The following SLC35D4 variants were observed in gnomAD, a reference collection of about 807,000 sequenced individuals.
SLC35D4 encodes the protein solute carrier family 35 member D4, also known as UDP-N-acetylglucosamine transporter SLC35D4.
chr18:23,339,176 C>A, the SLC35D4 span, among the ~76,000 whole-genome samples: 1 of 152,208 alleles, frequency 6.6e-6, no homozygotes, highest in African/African-American at 2.4e-5. Context: ...CAGGCATGAG[C>A]CACCACACCT....
At chr18:23,362,526 G>C in the SLC35D4 span, among the ~76,000 whole-genome samples, 1 of 152,206 alleles carries the variant, frequency 6.6e-6, no homozygotes, top group African/African-American at 2.4e-5. Context: ...TTGAACCTGG[G>C]AGGCGGAGGT....
the SLC35D4 span, among the ~76,000 whole-genome samples, chr18:23,320,508 GTTA>G: frequency 6.6e-6 from 1 of 152,044 alleles, no homozygotes; most frequent in Non-Finnish European, 1.5e-5. Context: ...TTGATTATCA[GTTA>G]TGCTTTCCTG....
chr18:23,366,519 C>A, the SLC35D4 span, among the ~76,000 whole-genome samples: 1 of 152,224 alleles, frequency 6.6e-6, no homozygotes, highest in Admixed American at 6.5e-5. Context: ...AGCCCAGTGT[C>A]CTGGCTTAAA....
chr18:23,328,365 A>G, the SLC35D4 span, among the ~76,000 whole-genome samples: 4 of 152,246 alleles, frequency 2.6e-5, no homozygotes, highest in Non-Finnish European at 5.9e-5. Context: ...GTCTCAGGAT[A>G]CAAAATCAAT....
chr18:23,391,627 A>G, the SLC35D4 span, among the ~76,000 whole-genome samples: 10 of 152,152 alleles, frequency 6.6e-5, no homozygotes, highest in African/African-American at 2.4e-4. Flanking sequence ...AGCTAGGACT[A>G]GAGGCACATG....
At chr18:23,282,831 G>T in the SLC35D4 span, among the ~76,000 whole-genome samples, 2 of 152,072 alleles carry the variant, frequency 1.3e-5, no homozygotes, top group Non-Finnish European at 2.9e-5. Context: ...GGGCTCGCAG[G>T]CCTCATCTGT....
At chr18:23,432,842 A>T in the SLC35D4 span, among the ~76,000 whole-genome samples, 1 of 151,570 alleles carries the variant, frequency 6.6e-6, no homozygotes, top group Non-Finnish European at 1.5e-5. Flanking sequence ...TTAGCCGGAC[A>T]TGGTTGTGCA....
At chr18:23,282,735 G>A in the SLC35D4 span, among the ~76,000 whole-genome samples, 51 of 152,290 alleles carry the variant, frequency 3.3e-4, no homozygotes, top group South Asian at 1.2e-3. Context: ...GGAGGTGAGA[G>A]GGAGGGCTGG....
At chr18:23,245,328 C>T in the SLC35D4 span, among the ~76,000 whole-genome samples, 2 of 151,896 alleles carry the variant, frequency 1.3e-5, no homozygotes, top group African/African-American at 2.4e-5. Flanking sequence ...GCCAACATGG[C>T]GAAACCCCAT....
the SLC35D4 span, among the ~76,000 whole-genome samples, chr18:23,242,363 C>G: frequency 6.6e-6 from 1 of 152,164 alleles, no homozygotes; most frequent in Non-Finnish European, 1.5e-5. Context: ...AAGGTGACCA[C>G]AGAACAGAGA....
At chr18:23,262,918 GA>G in the SLC35D4 span, among the ~76,000 whole-genome samples, 1 of 152,224 alleles carries the variant, frequency 6.6e-6, no homozygotes, top group Non-Finnish European at 1.5e-5. Flanking sequence ...AGGCTAGTGA[GA>G]AACCAGAGAC....
At chr18:23,423,793 G>A in the SLC35D4 span, among the ~76,000 whole-genome samples, 82 of 152,242 alleles carry the variant, frequency 5.4e-4, no homozygotes, top group Non-Finnish European at 1.1e-3. Context: ...AAGGGACAAA[G>A]GCCCAGAAGT....
chr18:23,327,760 A>AT, the SLC35D4 span, among the ~76,000 whole-genome samples: 1 of 152,244 alleles, frequency 6.6e-6, no homozygotes, highest in African/African-American at 2.4e-5. Flanking sequence ...AAAAAAGAGA[A>AT]TTTTAGACCA....
At chr18:23,251,195 G>A in the SLC35D4 span, among the ~76,000 whole-genome samples, 1 of 152,228 alleles carries the variant, frequency 6.6e-6, no homozygotes. Flanking sequence ...GCTCATGCCT[G>A]TAATGCCAGC....
chr18:23,432,680 CAAAA>C, the SLC35D4 span, among the ~76,000 whole-genome samples: 4 of 80,278 alleles, frequency 5.0e-5, no homozygotes, highest in Admixed American at 1.4e-4. Flanking sequence ...GACTCCTTCT[CAAAA>C]AAAAAAAAAA....
chr18:23,276,950 T>C, the SLC35D4 span, among the ~76,000 whole-genome samples: 7 of 152,184 alleles, frequency 4.6e-5, no homozygotes, highest in Non-Finnish European at 7.3e-5. Flanking sequence ...CCTTTTCTTC[T>C]CCTCTCTACC....
the SLC35D4 span, among the ~76,000 whole-genome samples, chr18:23,381,573 TAACAACAAC>T: frequency 3.2e-4 from 49 of 152,202 alleles, no homozygotes; most frequent in Admixed American, 1.3e-3. Context: ...TTTGTTTTAA[TAACAACAAC>T]AACAACAACA....
the SLC35D4 span, among the ~76,000 whole-genome samples, chr18:23,246,160 A>C: frequency 3.3e-5 from 5 of 151,856 alleles, no homozygotes; most frequent in Non-Finnish European, 5.9e-5. Context: ...GCTACTCAGG[A>C]GGCTGAGGCA....
the SLC35D4 span, among the ~76,000 whole-genome samples, chr18:23,291,659 C>T: frequency 1.3e-5 from 2 of 152,104 alleles, no homozygotes; most frequent in Non-Finnish European, 1.5e-5. Context: ...CACAACAGCT[C>T]AGGGCTCCTG....
Sources: allele counts gnomAD v4.1 joint callset (sites outside exome capture counted in the v4.1 genomes callset), GRCh38; gene constraint gnomAD v4.1.1; transcripts MANE v1.5; gene names NCBI Gene and HGNC (gene_info 2026-07-23, HGNC 2026-07-21).